The following DNASE1 variants were observed in gnomAD, a reference collection of about 807,000 sequenced individuals.
The protein encoded by DNASE1 is deoxyribonuclease 1.
In DNASE1, 40 loss-of-function variants were observed where a neutral mutation model predicts 33.9. That is an observed-to-expected ratio of 1.18 (90% confidence interval 0.92 to 1.54). The LOEUF (loss-of-function observed/expected upper bound fraction) is 1.54, where lower values mean the gene tolerates loss of function less well. Among genes scored for constraint, DNASE1 ranks in the 40% most tolerant of loss-of-function variants. The pLI is 0.00. For missense variants in DNASE1, 518 were observed against 372.6 expected (o/e 1.39, Z -3.21); for synonymous variants, 216 against 160.0 (o/e 1.35, Z -2.64).
chr16:3,640,972 A>G (rs2042009615), upstream of DNASE1: 1 of 398,546 alleles, frequency 2.5e-6, no homozygotes, highest in Non-Finnish European at 4.4e-6. Context: ...GACTTTGGAC[A>G]GTGGGGAGCA....
chr16:3,658,193 TCAA>T, downstream of DNASE1: 1 of 1,613,794 alleles, frequency 6.2e-7, no homozygotes, highest in Non-Finnish European at 8.5e-7. Flanking sequence ...CCTAGGGTCG[TCAA>T]CAAGTCCAGC....
exon 10 of DNASE1, chr16:3,663,320 C>A: frequency 1.3e-6 from 2 of 1,494,334 alleles, no homozygotes; most frequent in Non-Finnish European, 1.8e-6. Context: ...GTGGCTGAGC[C>A]CAGGTCAACT....
chr16:3,658,831 C>G (rs764916149), downstream of DNASE1: 3 of 1,613,842 alleles, frequency 1.9e-6, no homozygotes, highest in Admixed American at 1.7e-5. Context: ...GGCTCGCTTG[C>G]GCGCAGCTGA....
chr16:3,640,881 C>T (rs1371468250), upstream of DNASE1: 2 of 398,618 alleles, frequency 5.0e-6, no homozygotes, highest in Admixed American at 4.4e-5. Flanking sequence ...TGGGCTCAAG[C>T]GAGGACAGGA....
downstream of DNASE1, chr16:3,662,482 C>A (rs762448435): frequency 1.9e-5 from 10 of 522,460 alleles, no homozygotes; most frequent in South Asian, 5.8e-5. Flanking sequence ...CTGAGCTAGA[C>A]AGGTTGGTGG....
chr16:3,630,477 G>A lies in DNASE1; in HGVS notation c.-1358-10238G>A, dbSNP rs989879218. Among the ~76,000 whole-genome samples, 4 of 152,070 alleles carry A rather than the reference G, an allele frequency of 2.6e-5. No individual in the cohort carries two copies. In the East Asian group the frequency reaches 5.8e-4, roughly 22 times the overall value. ...ATTACGGGCATGAGCCACTGTTTCT[G>A]GCTATTTCTCCCTTCAATTCTGTCA... On this transcript the variant is annotated intron_variant and NMD_transcript_variant, in intron 1 of 11. Transcript: ENST00000570769.
At chr16:3,620,334 C>G (rs2041262390) in intron 1 of DNASE1, among the ~76,000 whole-genome samples, 3 of 151,958 alleles carry the variant, frequency 2.0e-5, no homozygotes, top group Admixed American at 1.3e-4. Flanking sequence ...TTTCAGAGAT[C>G]AAAAGGCTTC....
chr16:3,652,128 C>T (rs952568866), upstream of DNASE1: 1 of 152,438 alleles, frequency 6.6e-6, no homozygotes, highest in African/African-American at 2.4e-5. Flanking sequence ...AGCCTTCCTT[C>T]TGGCAGGTAG....
At chr16:3,662,411 G>C, downstream of DNASE1, 2 of 566,026 alleles carry the variant, frequency 3.5e-6, no homozygotes, top group South Asian at 4.1e-5. Flanking sequence ...CTCCATGCCA[G>C]CCCACCCTGC....
upstream of DNASE1, chr16:3,654,511 G>C (rs547135866): frequency 5.0e-6 from 2 of 398,538 alleles, no homozygotes; most frequent in Non-Finnish European, 8.8e-6. Flanking sequence ...AAGTGACCTT[G>C]GGGCCCCCAG....
chr16:3,655,930 C>G lies in DNASE1; in HGVS notation c.229C>G (p.Leu77Val). ...TGCCGTGGGGAAGCTGCTGGACAACCTCAATCAGTGGGTGACAGTGGCAGG... is the reference window on the plus strand; with the variant it reads ...TGCCGTGGGGAAGCTGCTGGACAACGTCAATCAGTGGGTGACAGTGGCAGG... Reference protein sequence around the residue: ...LTAVGKLLDNLNQDAPDTYHY... With the variant: ...LTAVGKLLDNVNQDAPDTYHY... The change falls in exon 3 of 9, where the codon CTC (leucine) becomes GTC (valine). Residue 77 changes from leucine (L) to valine (V), a missense_variant. Transcript: ENST00000246949. 1 of 1,613,738 alleles carries G rather than the reference C, an allele frequency of 6.2e-7. No individual in the cohort carries two copies. The highest frequency in any genetic ancestry group is 8.5e-7 in the Non-Finnish European group (1 of 1,179,716).
At chr16:3,658,786 C>T (rs779911637), downstream of DNASE1, 2 of 1,613,348 alleles carry the variant, frequency 1.2e-6, no homozygotes, top group South Asian at 2.2e-5. Context: ...TAAGCTGCTG[C>T]ACTCACCTGA....
At chr16:3,657,876 A>T in intron 8 of DNASE1, 30 bp from the exon 9 acceptor site, 1 of 1,614,044 alleles carries the variant, frequency 6.2e-7, no homozygotes, top group South Asian at 1.1e-5. Context: ...AGGTAGGCTC[A>T]GCCCAGACCC....
chr16:3,640,605 T>C (rs983058363), upstream of DNASE1: 11 of 397,514 alleles, frequency 2.8e-5, no homozygotes, highest in South Asian at 1.4e-4. Context: ...CATGAGTATA[T>C]AAACAGAGAA....
intron 1 of DNASE1, among the ~76,000 whole-genome samples, chr16:3,636,991 G>A (rs1014165209): frequency 1.3e-5 from 2 of 152,128 alleles, no homozygotes; most frequent in African/African-American, 4.8e-5. Context: ...GGGCATGGTG[G>A]CAGGCGCCTG....
chr16:3,640,837 G>T, upstream of DNASE1: 1 of 398,586 alleles, frequency 2.5e-6, no homozygotes, highest in Non-Finnish European at 4.4e-6. Flanking sequence ...GTCACTCCTG[G>T]GCCCAGGCAC....
chr16:3,653,189 C>G (rs1490637309), upstream of DNASE1: 1 of 152,240 alleles, frequency 6.6e-6, no homozygotes, highest in Non-Finnish European at 1.5e-5. Flanking sequence ...GCAGCCACAA[C>G]TAAGGAAAGC....
chr16:3,664,467 G>A (rs781397176), exon 10 of DNASE1: 4 of 1,604,682 alleles, frequency 2.5e-6, no homozygotes, highest in African/African-American at 1.3e-5. Flanking sequence ...CTCCTAGAAG[G>A]GACGGGGCAG....
At chr16:3,659,964 T>C (rs1429928998), downstream of DNASE1, 1 of 152,172 alleles carries the variant, frequency 6.6e-6, no homozygotes, top group Non-Finnish European at 1.5e-5. Context: ...TGACCTCAAG[T>C]GATCCACCCG....
Sources: allele counts gnomAD v4.1 joint callset (sites outside exome capture counted in the v4.1 genomes callset), GRCh38; gene constraint gnomAD v4.1.1; transcripts MANE v1.5; gene names NCBI Gene and HGNC (gene_info 2026-07-23, HGNC 2026-07-21).